ANKMY1: variants seen among roughly 807,000 people sequenced by gnomAD.
The protein encoded by ANKMY1 is ankyrin repeat and MYND domain containing 1.
A neutral mutation model predicts 102.0 loss-of-function variants in ANKMY1; 98 were observed. That is an observed-to-expected ratio of 0.96 (90% CI 0.82 to 1.14). The LOEUF is 1.14. Ranked by LOEUF, ANKMY1 falls within the 50% of genes most tolerant of loss-of-function variation. The probability of loss-of-function intolerance (pLI) is 0.00; values close to 1 mark genes in which losing one functional copy is unlikely to be tolerated. For synonymous variants in ANKMY1, 582 were observed against 559.9 expected, an observed-to-expected ratio of 1.04 and a Z score of -0.56; for missense variants, 1,330 against 1,347.6, an observed-to-expected ratio of 0.99 and a Z score of 0.20.
chr2:240,554,325 C>T (rs2092016105), intron 3 of ANKMY1: 1 of 153,176 alleles, frequency 6.5e-6, no homozygotes, highest in Admixed American at 6.5e-5. Flanking sequence ...TCTTAGAACC[C>T]CCTCGTGGAG....
In ANKMY1 at chr2:240,507,235, G is replaced by A. The variant is rs1213653333; in HGVS notation, c.2526+325C>T. Among the ~76,000 whole-genome samples the A allele has an allele frequency of 4.6e-5, 7 of 151,898 alleles. No homozygotes were observed. In the South Asian group the frequency reaches 6.2e-4, roughly 14 times the overall value. On this transcript the variant is annotated intron_variant, in intron 13 of 17. Transcript: ENST00000401804. The stretch of plus-strand genomic sequence containing the variant: ...GAGAACACAGAACAAATGACCCACC[G>A]CCCGCCAGGAATGACAGCCAGGCAG...
In ANKMY1 at chr2:240,506,004, C is replaced by T. The variant is rs141857598; in HGVS notation, c.2526+1556G>A. Among the ~76,000 whole-genome samples the T allele has an allele frequency of 5.8e-4, 89 of 152,316 alleles. 1 individual carries two copies. In the East Asian group the frequency reaches 0.016, roughly 27 times the overall value. ...GACAGCATGGTTAGGGTTGGCAGCA[C>T]TACCAGGTTCCCTAACCCCGGATGA... is the stretch of plus-strand genomic sequence containing the variant. On this transcript the variant is annotated intron_variant, in intron 13 of 17. Coordinates refer to ENST00000401804, the MANE Select transcript of ANKMY1 (RefSeq NM_001282771.3). This position sits in a 1 kb window ranked among gnomAD's most constrained non-coding sequence, Gnocchi z 4.9.
chr2:240,480,438 G>A (rs1331497769), intron 17 of ANKMY1, among the ~76,000 whole-genome samples: 1 of 152,264 alleles, frequency 6.6e-6, no homozygotes, highest in Admixed American at 6.5e-5. Context: ...GGGCTTGCGG[G>A]AGACCAGAGT....
At chr2:240,490,223 A>T (rs1460990403) in intron 15 of ANKMY1, among the ~76,000 whole-genome samples, 1 of 152,176 alleles carries the variant, frequency 6.6e-6, no homozygotes, top group East Asian at 1.9e-4. Context: ...CTTTTTAAAG[A>T]ATCAACTTTT....
At chr2:240,513,469 C>T (rs1461080224) in intron 9 of ANKMY1, among the ~76,000 whole-genome samples, 4 of 152,256 alleles carry the variant, frequency 2.6e-5, no homozygotes, top group East Asian at 3.8e-4. Flanking sequence ...AGGGAGAGCC[C>T]GGCTGAGAAT....
At position 240,507,606 on chromosome 2, in the gene ANKMY1, T is replaced by C. The variant is rs1342758668; in HGVS notation, c.2480A>G (p.Asp827Gly). ...GTTCCTCTGGTGCTCGTAGGTCAGG[T>C]CACAGGCAACACACAGGGCACTGCC... ...GLGSALCVAC[D>G]LTYEHQRNMD... The change falls in exon 13 of 18, where the codon GAC (aspartate) becomes GGC (glycine). Residue 827 changes from aspartate (D) to glycine (G), a missense_variant. By Grantham distance (94) the Asp-to-Gly change is moderately conservative. Transcript: ENST00000401804. 6.2e-7 allele frequency: 1 copy of C among 1,611,566 alleles called. No individual in the cohort carries two copies. Among genetic ancestry groups the C allele is most frequent in the Non-Finnish European group, 8.5e-7 (1 of 1,178,834 alleles).
Position 240,526,415 on chromosome 2 carries a change from C to T in ANKMY1, c.984G>A (p.Met328Ile). 5.0e-6 allele frequency: 8 copies of T among 1,614,186 alleles called. No homozygotes were observed. The highest frequency in any genetic ancestry group is 5.9e-6 in the Non-Finnish European group (7 of 1,180,042). The change falls in exon 6 of 18, where the codon ATG becomes ATA. Residue 328 changes from methionine to isoleucine, a missense_variant. Physicochemically the swap from Met to Ile is conservative, Grantham distance 10. Coordinates refer to ENST00000401804, the MANE Select transcript of ANKMY1 (RefSeq NM_001282771.3). The stretch of plus-strand genomic sequence containing the variant: ...TGCGCTTCCCCTCCAGGATGGCGCC[C>T]ATGTTCCAGCTGGTGTGAGCTGGCT... ...RNKPAHTSWNMGAILEGKRSG... is the reference protein window; with the variant it reads ...RNKPAHTSWNIGAILEGKRSG...
Position 240,520,650 on chromosome 2 carries a change from G to T in ANKMY1, c.1833-117C>A, listed in dbSNP as rs971994078. 1.6e-6 allele frequency: 2 copies of T among 1,262,478 alleles called. No individual in the cohort carries two copies. The highest frequency in any genetic ancestry group is 2.1e-6 in the Non-Finnish European group (2 of 934,928). The allele number at this position is 1,262,478 out of a possible 1,614,324, so 78.2% of individuals were successfully genotyped here. ...GGCGCGTAGGGAGTATGTGTGTGCC[G>T]CAACTACACAATCACACACACAGCA... On this transcript the variant is annotated intron_variant, in intron 8 of 17. Coordinates refer to ENST00000401804, the MANE Select transcript of ANKMY1 (RefSeq NM_001282771.3). This position sits in a 1 kb window ranked among gnomAD's most constrained non-coding sequence, Gnocchi z 4.8.
intron 4 of ANKMY1, among the ~76,000 whole-genome samples, chr2:240,550,579 T>A (rs907583564): frequency 6.6e-6 from 1 of 152,180 alleles, no homozygotes; most frequent in African/African-American, 2.4e-5. Flanking sequence ...TAAATTAACT[T>A]TTTTTGGATA....
intron 4 of ANKMY1, among the ~76,000 whole-genome samples, chr2:240,543,800 G>A (rs566603559): frequency 2.0e-5 from 3 of 152,148 alleles, no homozygotes; most frequent in South Asian, 2.1e-4. Flanking sequence ...TATTTTTAAC[G>A]TTCATTAGAT....
intron 15 of ANKMY1, among the ~76,000 whole-genome samples, chr2:240,491,346 G>T (rs1341314816): frequency 6.6e-6 from 1 of 152,092 alleles, no homozygotes. Flanking sequence ...CATGTTCAAG[G>T]TTATTCTTGA....
the ANKMY1 span, among the ~76,000 whole-genome samples, chr2:240,470,978 G>C: frequency 6.6e-6 from 1 of 152,254 alleles, no homozygotes; most frequent in South Asian, 2.1e-4. Context: ...GGGGTGAGGG[G>C]TACCCACAGA....
At chr2:240,548,131 C>T (rs1390228927) in intron 4 of ANKMY1, among the ~76,000 whole-genome samples, 8 of 152,014 alleles carry the variant, frequency 5.3e-5, no homozygotes, top group African/African-American at 1.2e-4. Flanking sequence ...ACTGCCAAAC[C>T]GAATCCAGCA....
In ANKMY1 at chr2:240,524,142, CG is replaced by C; in HGVS notation, c.1574del (p.Pro525ArgfsTer3). On this transcript the variant is annotated frameshift_variant, in exon 8 of 18. Coordinates refer to ENST00000401804, the MANE Select transcript of ANKMY1 (RefSeq NM_001282771.3). LOFTEE classifies it high-confidence loss of function. The stretch of plus-strand genomic sequence containing the variant: ...CATGGCCAAGGCTGCCCTTCACCAA[CG>C]GGGAGTCCCCCTTCAGAGAGCTGCT... ...HRSSSLKGDS[P>X]LVKGSLGHVE... 1 of 1,614,070 alleles carries C rather than the reference CG, an allele frequency of 6.2e-7. No individual in the cohort carries two copies. Among genetic ancestry groups the C allele is most frequent in the South Asian group, 1.1e-5 (1 of 91,086 alleles).
At chr2:240,500,642 G>A in intron 13 of ANKMY1, 77 bp from the exon 14 acceptor site, 1 of 1,324,126 alleles carries the variant, frequency 7.6e-7, no homozygotes, top group South Asian at 1.3e-5. Flanking sequence ...GCCTGAGAAG[G>A]GCCATGGTCA....
upstream of ANKMY1, among the ~76,000 whole-genome samples, chr2:240,558,981 A>C (rs1362870044): frequency 6.6e-6 from 1 of 152,238 alleles, no homozygotes; most frequent in Non-Finnish European, 1.5e-5. Flanking sequence ...CATGACCCAC[A>C]GAATTGATTT....
downstream of ANKMY1, among the ~76,000 whole-genome samples, chr2:240,474,876 T>C (rs568133084): frequency 2.0e-5 from 3 of 152,362 alleles, no homozygotes; most frequent in African/African-American, 7.2e-5. Flanking sequence ...ACAACTACAA[T>C]GAACATATGT....
intron 4 of ANKMY1, among the ~76,000 whole-genome samples, chr2:240,540,320 T>A (rs994295779): frequency 2.0e-5 from 3 of 152,220 alleles, no homozygotes; most frequent in Non-Finnish European, 4.4e-5. Flanking sequence ...CAGGACTCCC[T>A]GAGATTGTGT....
upstream of ANKMY1, chr2:240,561,049 G>A (rs768174886): frequency 6.6e-7 from 1 of 1,506,360 alleles, no homozygotes. Context: ...ATGCGGCACC[G>A]CGGCCTCAGC....
Sources: gnomAD v4.1 joint callset for allele counts (sites outside exome capture counted in the v4.1 genomes callset) on GRCh38, gnomAD v4.1.1 for gene constraint, Gnocchi (gnomAD v3.1) non-coding constraint, MANE v1.5 for transcripts, NCBI Gene and HGNC (gene_info 2026-07-23, HGNC 2026-07-21) for gene names.